TBCK: variants seen among roughly 807,000 people sequenced by gnomAD.
TBCK encodes the protein TBC1 domain containing kinase.
Under a neutral mutation model 113.4 loss-of-function variants are expected in TBCK, and 99 were observed. That is an observed-to-expected ratio of 0.87 (90% confidence interval 0.74 to 1.03). The LOEUF (loss-of-function observed/expected upper bound fraction) is 1.03, where lower values mean the gene tolerates loss of function less well. Among genes scored for constraint, TBCK ranks in the 50% least tolerant of loss-of-function variants. The pLI is 0.00. For synonymous variants in TBCK, 369 were observed against 370.8 expected (o/e 1.00, Z 0.05); for missense variants, 1,045 against 1,061.3 (o/e 0.98, Z 0.21).
chr4:106,145,596 C>T (rs544104675), intron 23 of TBCK, among the ~76,000 whole-genome samples: 12 of 152,086 alleles, frequency 7.9e-5, no homozygotes, highest in Non-Finnish European at 1.8e-4. Context: ...GTTGTTTATA[C>T]TATAATCTAT....
chr4:106,236,274 G>A (rs1459424185), intron 14 of TBCK, 116 bp downstream of exon 14: 2 of 697,306 alleles, frequency 2.9e-6, no homozygotes, highest in Non-Finnish European at 4.0e-6. Flanking sequence ...AACTGAACAA[G>A]ATAGGTCATA....
intron 24 of TBCK, among the ~76,000 whole-genome samples, chr4:106,110,180 C>T (rs1742678621): frequency 6.6e-6 from 1 of 152,316 alleles, no homozygotes; most frequent in African/African-American, 2.4e-5. Context: ...CTTGTCAGGG[C>T]TGCGGCTGCT....
chr4:106,063,532 T>C lies in TBCK; in HGVS notation c.2572-16852A>G, dbSNP rs1736288979. On this transcript the variant is annotated intron_variant, in intron 25 of 25. Transcript: ENST00000394708. ...ATTTTGACTCTTTTGAACACATAATTGTAGAAGGATAATCTCAGGTGCCTG... is the reference window on the plus strand; with the variant it reads ...ATTTTGACTCTTTTGAACACATAATCGTAGAAGGATAATCTCAGGTGCCTG... Among the ~76,000 whole-genome samples, 3 of 151,976 alleles carry C rather than the reference T, an allele frequency of 2.0e-5. No individual in the cohort carries two copies. The South Asian group carries it at 6.2e-4, about 32-fold the overall frequency.
Position 106,046,650 on chromosome 4 carries a change from G to T in TBCK, c.2602C>A (p.Pro868Thr). Residue 868 changes from proline to threonine, a missense_variant, in exon 26 of 26, where the codon CCA (proline) becomes ACA (threonine). Physicochemically the swap from Pro to Thr is conservative, Grantham distance 38 (BLOSUM62 -1). Coordinates refer to ENST00000394708, the MANE Select transcript of TBCK (RefSeq NM_001163435.3). Reference sequence around the variant, plus strand: ...CCACCATCTAGAATACAGATTCTTGGATATTTCATCTTCACAAGGTGAGCT... The same window carrying T: ...CCACCATCTAGAATACAGATTCTTGTATATTTCATCTTCACAAGGTGAGCT... The part of the protein sequence containing the change: ...FAAHLVKMKY[P>T]RICILDGGIN... The T allele has an allele frequency of 6.2e-7, 1 of 1,611,650 alleles. No individual in the cohort carries two copies. The highest frequency in any genetic ancestry group is 8.5e-7 in the Non-Finnish European group (1 of 1,178,420).
rs778271309 is a variant in TBCK, at chr4:106,235,356, A to G, written c.1362T>C (p.Tyr454=). ...CTTCTTTCCAGATTTGGTTTTTTTT[A>G]TATGGATAAGCCTATGATATCAAAA... ...LFDRLLKAYP[Y]KKNQIWKEAR... The change falls in exon 15 of 26, where the codon TAT becomes TAC. Residue 454 remains tyrosine, a synonymous_variant. Coordinates refer to ENST00000394708, the MANE Select transcript of TBCK (RefSeq NM_001163435.3). 1.2e-6 allele frequency: 2 copies of G among 1,604,888 alleles called. No individual in the cohort carries two copies. The highest frequency in any genetic ancestry group is 1.3e-5 in the African/African-American group (1 of 74,700).
intron 24 of TBCK, among the ~76,000 whole-genome samples, chr4:106,113,687 T>C (rs1487338296): frequency 6.6e-6 from 1 of 152,184 alleles, no homozygotes; most frequent in African/African-American, 2.4e-5. Flanking sequence ...ACATAGGCCC[T>C]GGACAGGACG....
chr4:106,268,928 C>T (rs560444464), intron 3 of TBCK, among the ~76,000 whole-genome samples: 6 of 152,052 alleles, frequency 3.9e-5, no homozygotes, highest in Non-Finnish European at 5.9e-5. Context: ...GCTATTTCCT[C>T]AGATCCATGA....
intron 8 of TBCK, 78 bp from the exon 9 acceptor site, chr4:106,248,384 T>G (rs1761068498): frequency 1.9e-6 from 2 of 1,079,202 alleles, no homozygotes; most frequent in Middle Eastern, 2.4e-4. Flanking sequence ...TTTGCTAATC[T>G]AGAAGTTTTT....
intron 2 of TBCK, among the ~76,000 whole-genome samples, chr4:106,303,672 C>A (rs1767195194): frequency 6.6e-6 from 1 of 152,066 alleles, no homozygotes; most frequent in South Asian, 2.1e-4. Context: ...TTATACCCCA[C>A]CCCCTTAACC....
chr4:106,145,712 G>A (rs914041319), intron 23 of TBCK, among the ~76,000 whole-genome samples: 3 of 152,112 alleles, frequency 2.0e-5, no homozygotes, highest in Non-Finnish European at 4.4e-5. Context: ...TTTTTCTCTT[G>A]TAAATTTGTT....
chr4:106,056,095 C>G (rs900016693), intron 25 of TBCK, among the ~76,000 whole-genome samples: 3 of 150,840 alleles, frequency 2.0e-5, no homozygotes, highest in Non-Finnish European at 3.0e-5. Context: ...TCTCCAAATG[C>G]TCAGCTGATT....
At chr4:106,093,582 A>G (rs1326370063) in intron 25 of TBCK, among the ~76,000 whole-genome samples, 2 of 152,200 alleles carry the variant, frequency 1.3e-5, no homozygotes, top group African/African-American at 2.4e-5. Flanking sequence ...GATGCTTAAA[A>G]TGGTTTATGA....
intron 24 of TBCK, among the ~76,000 whole-genome samples, chr4:106,099,099 A>T (rs1259494004): frequency 6.6e-6 from 1 of 152,092 alleles, no homozygotes; most frequent in East Asian, 1.9e-4. Context: ...CTGTAAGTAG[A>T]TATGCTGTAC....
intron 24 of TBCK, among the ~76,000 whole-genome samples, chr4:106,101,204 C>T (rs902171969): frequency 6.6e-6 from 1 of 152,106 alleles, no homozygotes; most frequent in African/African-American, 2.4e-5. Flanking sequence ...CTGTATGGCA[C>T]TCTAGGAACT....
intron 25 of TBCK, among the ~76,000 whole-genome samples, chr4:106,060,837 T>C: frequency 6.6e-6 from 1 of 151,734 alleles, no homozygotes; most frequent in East Asian, 1.9e-4. Context: ...GGTCACAATA[T>C]CAACATGAAA....
At chr4:106,124,710 A>G (rs1252035375) in intron 23 of TBCK, among the ~76,000 whole-genome samples, 1 of 152,130 alleles carries the variant, frequency 6.6e-6, no homozygotes, top group African/African-American at 2.4e-5. Flanking sequence ...AGGGACATGG[A>G]TGAAATTGGA....
At chr4:106,222,885 A>C in intron 19 of TBCK, among the ~76,000 whole-genome samples, 1 of 152,158 alleles carries the variant, frequency 6.6e-6, no homozygotes, top group Non-Finnish European at 1.5e-5. Flanking sequence ...GGTTCAAAAG[A>C]AGAGAAAGGA....
At chr4:106,240,912 G>A (rs72660503) in intron 12 of TBCK, among the ~76,000 whole-genome samples, 3,067 of 152,088 alleles carry the variant, frequency 0.02, 38 homozygotes, top group Middle Eastern at 0.054. Flanking sequence ...AGGGCCATAT[G>A]ACAAATATTT....
At chr4:106,315,023 A>C (rs995823594) in intron 1 of TBCK, among the ~76,000 whole-genome samples, 1 of 152,202 alleles carries the variant, frequency 6.6e-6, no homozygotes, top group African/African-American at 2.4e-5. Flanking sequence ...TAATTAGCAT[A>C]ATCAGTGTTC....
Sources: gnomAD v4.1 joint callset for allele counts (sites outside exome capture counted in the v4.1 genomes callset) on GRCh38, gnomAD v4.1.1 for gene constraint, MANE v1.5 for transcripts, NCBI Gene and HGNC (gene_info 2026-07-23, HGNC 2026-07-21) for gene names.